Variants in VPS52 observed in about 807,000 individuals in gnomAD.
VPS52 encodes the protein VPS52 subunit of GARP complex, also known as vacuolar protein sorting-associated protein 52 homolog.
A neutral mutation model predicts 98.7 loss-of-function variants in VPS52; 56 were observed. That is an observed-to-expected ratio of 0.57 (90% CI 0.46 to 0.71). The LOEUF is 0.71. VPS52 is among the 30% of genes least tolerant of loss of function. VPS52 has a pLI of 0.00. For missense variants in VPS52, 742 were observed against 925.9 expected (o/e 0.80, Z 2.58); for synonymous variants, 348 against 346.4 (o/e 1.00, Z -0.05).
intron 17 of VPS52, among the ~76,000 whole-genome samples, chr6:33,262,080 A>G (rs1402795233): frequency 6.7e-6 from 1 of 148,524 alleles, no homozygotes; most frequent in Non-Finnish European, 1.5e-5. Context: ...CTGCACAGCT[A>G]AAGAAACAAT....
At chr6:33,260,608 C>T (rs1480875410) in intron 17 of VPS52, among the ~76,000 whole-genome samples, 2 of 152,146 alleles carry the variant, frequency 1.3e-5, no homozygotes, top group Non-Finnish European at 2.9e-5. Flanking sequence ...TTATTGTGTT[C>T]TTGCTTTTTT....
chr6:33,250,352 T>C lies in VPS52; in HGVS notation c.*489A>G, dbSNP rs1237178867. On this transcript the variant is annotated 3_prime_UTR_variant, in exon 20 of 20. Coordinates refer to ENST00000445902, the MANE Select transcript of VPS52 (RefSeq NM_022553.6). ...CTTGAGCCAGGAGGGGAGAGGTTAG[T>C]GTTCAAATTGCTGAGATCTTAGGTC... 1 of 154,740 alleles carries C rather than the reference T, an allele frequency of 6.5e-6. No individual in the cohort carries two copies. The highest frequency in any genetic ancestry group is 2.4e-5 in the African/African-American group (1 of 41,534). The allele number at this position is 154,740 out of a possible 1,614,324, so 9.6% of individuals were successfully genotyped here. A position where few individuals can be genotyped will look rare whatever the true frequency, so the allele number is the denominator to read the frequency against.
At chr6:33,260,564 C>T (rs774388324) in intron 17 of VPS52, among the ~76,000 whole-genome samples, 16 of 152,152 alleles carry the variant, frequency 1.1e-4, no homozygotes, top group Non-Finnish European at 1.9e-4. Flanking sequence ...CTGTGCTTCT[C>T]GTGCACAGGT....
At position 33,264,107 on chromosome 6, in the gene VPS52, GGA is replaced by G. The variant is rs763069543; in HGVS notation, c.1525-6_1525-5del. 44 of 1,613,518 alleles carry G rather than the reference GGA, an allele frequency of 2.7e-5. No homozygotes were observed. The highest frequency in any genetic ancestry group is 3.6e-5 in the Non-Finnish European group (43 of 1,179,866). On this transcript the variant is annotated splice_polypyrimidine_tract_variant and splice_region_variant and intron_variant, in intron 14 of 19. Transcript: ENST00000445902. ...ACTCTGCATAGCGGCGTGTGATCTA[GGA>G]GAGAGTGGGAAGGAAAATCACACCC...
intron 1 of VPS52, chr6:33,271,225 G>A: frequency 1.7e-6 from 1 of 602,198 alleles, no homozygotes; most frequent in Non-Finnish European, 3.0e-6. Context: ...TTAAAGGTGT[G>A]AGAAATGATG....
intron 17 of VPS52, among the ~76,000 whole-genome samples, chr6:33,253,883 T>C (rs778026636): frequency 1.3e-5 from 2 of 152,176 alleles, no homozygotes; most frequent in African/African-American, 2.4e-5. Context: ...GGTGTTGGTA[T>C]AGATGAAACA....
chr6:33,251,740 T>G (rs955481963), intron 18 of VPS52, 104 bp from the exon 19 acceptor site: 3 of 1,407,582 alleles, frequency 2.1e-6, no homozygotes, highest in Middle Eastern at 1.8e-4. Flanking sequence ...CCCTCTTTTC[T>G]GGTATTCTCT....
chr6:33,260,179 T>C (rs1328100853), intron 17 of VPS52, among the ~76,000 whole-genome samples: 5 of 152,194 alleles, frequency 3.3e-5, no homozygotes, highest in Admixed American at 6.5e-5. Flanking sequence ...CCTGTGATTC[T>C]GGGGTTTTTT....
chr6:33,258,728 T>G (rs1763295239), intron 17 of VPS52, among the ~76,000 whole-genome samples: 1 of 152,166 alleles, frequency 6.6e-6, no homozygotes, highest in South Asian at 2.1e-4. Context: ...CCACTATGCC[T>G]GGTTAATTTT....
Position 33,267,784 on chromosome 6 carries a change from C to T in VPS52, c.934-45G>A. 1 of 1,612,950 alleles carries T rather than the reference C, an allele frequency of 6.2e-7. No homozygotes were observed. Among genetic ancestry groups the T allele is most frequent in the Non-Finnish European group, 8.5e-7 (1 of 1,179,970 alleles). On this transcript the variant is annotated intron_variant, in intron 9 of 19. Transcript: ENST00000445902. This position sits in a 1 kb window ranked among gnomAD's most constrained non-coding sequence, Gnocchi z 4.2. Reference sequence around the variant, plus strand: ...AACTGATAACCGTCTCTTCCCACAACACAATAAAATATTCCTTGCCCAGGG... The same window carrying T: ...AACTGATAACCGTCTCTTCCCACAATACAATAAAATATTCCTTGCCCAGGG...
intron 17 of VPS52, among the ~76,000 whole-genome samples, chr6:33,255,856 ACT>A (rs1762885043): frequency 6.6e-6 from 1 of 151,600 alleles, no homozygotes; most frequent in Non-Finnish European, 1.5e-5. Context: ...ATCCCCTCAA[ACT>A]CTCAAACTCC....
chr6:33,271,639 C>G lies in VPS52; in HGVS notation c.37G>C (p.Glu13Gln), dbSNP rs753567778. 1.9e-6 allele frequency: 3 copies of G among 1,611,024 alleles called. No individual in the cohort carries two copies. In the African/African-American group the frequency reaches 4.0e-5, roughly 22 times the overall value. Residue 13 changes from glutamate (E) to glutamine (Q), a missense_variant, in exon 1 of 20, where the codon GAA (glutamate) becomes CAA (glutamine). By Grantham distance (29) the Glu-to-Gln change is conservative. Coordinates refer to ENST00000445902, the MANE Select transcript of VPS52 (RefSeq NM_022553.6). Reference sequence around the variant, plus strand: ...GAGGTCCCAGCCCGCAACACCAGTTCCCGGGCCGCAGCCGCCATGGTCGCA... The same window carrying G: ...GAGGTCCCAGCCCGCAACACCAGTTGCCGGGCCGCAGCCGCCATGGTCGCA... ...AAATMAAAARELVLRAGTSDM... is the reference protein window; with the variant it reads ...AAATMAAAARQLVLRAGTSDM...
At chr6:33,261,909 A>C (rs1009624241) in intron 17 of VPS52, among the ~76,000 whole-genome samples, 1 of 151,962 alleles carries the variant, frequency 6.6e-6, no homozygotes, top group Admixed American at 6.6e-5. Context: ...GCATGGTGGC[A>C]CATGCCTGTA....
rs118107607 is a variant in VPS52, at chr6:33,260,223, G to A, written c.1794+3261C>T. On this transcript the variant is annotated intron_variant, in intron 17 of 19. Coordinates refer to ENST00000445902, the MANE Select transcript of VPS52 (RefSeq NM_022553.6). ...TTGCTGTTTGAGACAGGGTCTTGCT[G>A]TGTTGCCAAGGGTAGACTACAATGT... Among the ~76,000 whole-genome samples the A allele has an allele frequency of 1.3e-3, 197 of 152,240 alleles. 6 individuals are homozygous for A. The East Asian group carries it at 0.036, about 28-fold the overall frequency.
intron 1 of VPS52, 33 bp downstream of exon 1, chr6:33,271,553 A>C: frequency 6.3e-7 from 1 of 1,574,968 alleles, no homozygotes; most frequent in Non-Finnish European, 8.6e-7. Context: ...GGAGCACCGG[A>C]ACTACGGAGG....
At chr6:33,266,211 T>C (rs1178046519) in intron 12 of VPS52, among the ~76,000 whole-genome samples, 1 of 147,172 alleles carries the variant, frequency 6.8e-6, no homozygotes, top group East Asian at 2.0e-4. Flanking sequence ...AGTGCATGGC[T>C]CACTGCAGCC....
In VPS52 at chr6:33,251,947, G is replaced by A. The variant is rs564713198; in HGVS notation, c.1819C>T (p.Pro607Ser). 2 of 1,613,150 alleles carry A rather than the reference G, an allele frequency of 1.2e-6. No individual in the cohort carries two copies. Among genetic ancestry groups the A allele is most frequent in the African/African-American group, 1.3e-5 (1 of 75,036 alleles). The change falls in exon 18 of 20, where the codon CCC becomes TCC. Residue 607 changes from proline (P) to serine (S), a missense_variant. Transcript: ENST00000445902. ...AATGCCACTAAACCCCCAAAAGGGG[G>A]AGACAGCAACTCTTCAATGAATTCC... The part of the protein sequence containing the change: ...TQEFIEELLS[P>S]PFGGLVAFVK...
intron 17 of VPS52, 110 bp downstream of exon 17, chr6:33,263,374 T>C (rs1285013958): frequency 8.5e-6 from 5 of 589,392 alleles, no homozygotes; most frequent in Non-Finnish European, 1.2e-5. Flanking sequence ...AGATCCATTA[T>C]GCCACTCCCT....
At chr6:33,270,392 G>T in intron 1 of VPS52, 109 bp from the exon 2 acceptor site, 1 of 1,020,096 alleles carries the variant, frequency 9.8e-7, no homozygotes, top group Non-Finnish European at 1.5e-6. Context: ...TTTACTGGGA[G>T]CCACAGGTAC....
Sources: gnomAD v4.1 joint callset for allele counts (sites outside exome capture counted in the v4.1 genomes callset) on GRCh38, gnomAD v4.1.1 for gene constraint, Gnocchi (gnomAD v3.1) non-coding constraint, MANE v1.5 for transcripts, NCBI Gene and HGNC (gene_info 2026-07-23, HGNC 2026-07-21) for gene names.